The following NUBPL variants were observed in gnomAD, a reference collection of about 807,000 sequenced individuals.
The protein encoded by NUBPL is NUBP iron-sulfur cluster assembly factor, mitochondrial, also known as iron-sulfur cluster transfer protein NUBPL.
In NUBPL, 31 loss-of-function variants were observed where a neutral mutation model predicts 45.7. The observed-to-expected ratio is 0.68, with a 90% confidence interval of 0.51 to 0.92. The LOEUF is 0.92. Ranked by LOEUF, NUBPL falls within the 40% of genes least tolerant of loss-of-function variation. The probability of loss-of-function intolerance (pLI) is 0.00; values close to 1 mark genes in which losing one functional copy is unlikely to be tolerated. For missense variants in NUBPL, 401 were observed against 398.7 expected, an observed-to-expected ratio of 1.01 and a Z score of -0.05; for synonymous variants, 144 against 140.9, an observed-to-expected ratio of 1.02 and a Z score of -0.15.
chr14:31,707,930 G>C (rs1215136768), intron 6 of NUBPL, among the ~76,000 whole-genome samples: 1 of 152,116 alleles, frequency 6.6e-6, no homozygotes, highest in Non-Finnish European at 1.5e-5. Context: ...TAAACCCTTG[G>C]GGCAAGACTG....
chr14:31,718,802 A>G (rs370833262), intron 6 of NUBPL, among the ~76,000 whole-genome samples: 1 of 152,174 alleles, frequency 6.6e-6, no homozygotes, highest in Non-Finnish European at 1.5e-5. Flanking sequence ...TATAAAAAAG[A>G]TTAGTGTTTG....
chr14:31,630,510 A>G lies in NUBPL; in HGVS notation c.382+31131A>G, dbSNP rs866622441. The stretch of plus-strand genomic sequence containing the variant: ...TCTTGTTGACATTTATAGATCATGA[A>G]TATCTTGACACACTCTGCCTAGTTC... On this transcript the variant is annotated intron_variant, in intron 4 of 10. Coordinates refer to ENST00000281081, the MANE Select transcript of NUBPL (RefSeq NM_025152.3). Among the ~76,000 whole-genome samples the G allele has an allele frequency of 3.9e-5, 6 of 152,282 alleles. 1 individual carries two copies. In the South Asian group the frequency reaches 1.2e-3, roughly 32 times the overall value.
intron 4 of NUBPL, among the ~76,000 whole-genome samples, chr14:31,613,456 A>AT (rs763346720): frequency 0.018 from 2,564 of 145,780 alleles, 14 homozygotes; most frequent in Non-Finnish European, 0.026. Flanking sequence ...GTGTAATTGG[A>AT]TTTTTTTTTT....
intron 6 of NUBPL, among the ~76,000 whole-genome samples, chr14:31,711,145 T>C (rs1444552135): frequency 6.6e-6 from 1 of 152,174 alleles, no homozygotes; most frequent in East Asian, 1.9e-4. Flanking sequence ...GTTCCGCTCA[T>C]GGCCACAGGG....
chr14:31,773,379 G>A (rs1427479056), intron 6 of NUBPL, among the ~76,000 whole-genome samples: 1 of 152,200 alleles, frequency 6.6e-6, no homozygotes, highest in Non-Finnish European at 1.5e-5. Flanking sequence ...TCATTTGGCA[G>A]ATATTGAATG....
At chr14:31,581,004 G>T (rs950520987) in intron 3 of NUBPL, among the ~76,000 whole-genome samples, 1 of 152,142 alleles carries the variant, frequency 6.6e-6, no homozygotes, top group Non-Finnish European at 1.5e-5. Context: ...CTGTAATGTA[G>T]AGAATAGAGT....
At chr14:31,595,768 C>T (rs2034266250) in intron 3 of NUBPL, among the ~76,000 whole-genome samples, 1 of 152,172 alleles carries the variant, frequency 6.6e-6, no homozygotes, top group Non-Finnish European at 1.5e-5. Flanking sequence ...TTGAACATTA[C>T]TGAATTCTAG....
intron 6 of NUBPL, among the ~76,000 whole-genome samples, chr14:31,775,891 G>A (rs961057123): frequency 2.0e-5 from 3 of 152,114 alleles, no homozygotes; most frequent in Non-Finnish European, 4.4e-5. Flanking sequence ...ATCTGCATAG[G>A]ATCCTGGGAT....
intron 4 of NUBPL, among the ~76,000 whole-genome samples, chr14:31,645,492 T>C (rs987338510): frequency 1.3e-5 from 2 of 152,186 alleles, no homozygotes; most frequent in African/African-American, 4.8e-5. Context: ...AGTAAAGACT[T>C]TACTACTGCC....
At chr14:31,841,917 CTTTTTTTTTTT>C (rs547795007) in intron 8 of NUBPL, among the ~76,000 whole-genome samples, 7 of 43,036 alleles carry the variant, frequency 1.6e-4, no homozygotes, top group Admixed American at 9.6e-4. Flanking sequence ...CGATTCTGGG[CTTTTTTTTTTT>C]TTTTTTTTTT....
chr14:31,778,613 A>T (rs991409983), intron 6 of NUBPL, among the ~76,000 whole-genome samples: 1 of 152,242 alleles, frequency 6.6e-6, no homozygotes, highest in African/African-American at 2.4e-5. Context: ...TCCCAGGTTG[A>T]TATAATTTTT....
At chr14:31,793,215 G>T (rs1171403122) in intron 7 of NUBPL, among the ~76,000 whole-genome samples, 1 of 151,724 alleles carries the variant, frequency 6.6e-6, no homozygotes, top group African/African-American at 2.4e-5. Flanking sequence ...GATCCCTCTA[G>T]AAAAAAACCC....
At chr14:31,572,129 C>A (rs548029648) in intron 3 of NUBPL, among the ~76,000 whole-genome samples, 1 of 151,834 alleles carries the variant, frequency 6.6e-6, no homozygotes, top group Non-Finnish European at 1.5e-5. Flanking sequence ...CCTATTTTAG[C>A]TAGATTCTTT....
At chr14:31,561,987 C>T in intron 1 of NUBPL, 81 bp from the exon 2 acceptor site, 2 of 1,414,454 alleles carry the variant, frequency 1.4e-6, no homozygotes, top group Admixed American at 2.0e-5. Context: ...AATTGCAAAC[C>T]CCAGATTGTT....
intron 7 of NUBPL, among the ~76,000 whole-genome samples, chr14:31,819,342 AT>A (rs1218248398): frequency 1.3e-5 from 2 of 152,194 alleles, no homozygotes; most frequent in Non-Finnish European, 2.9e-5. Context: ...AAAACAGTTA[AT>A]TTTTTAAGTC....
chr14:31,810,818 G>A (rs1351406343), intron 7 of NUBPL, among the ~76,000 whole-genome samples: 2 of 152,164 alleles, frequency 1.3e-5, no homozygotes, highest in East Asian at 1.9e-4. Flanking sequence ...GCCTGTTGGT[G>A]ACAAAATCTC....
At chr14:31,770,692 A>G (rs1353842308) in intron 6 of NUBPL, among the ~76,000 whole-genome samples, 2 of 152,174 alleles carry the variant, frequency 1.3e-5, no homozygotes, top group Non-Finnish European at 2.9e-5. Context: ...GAAGGCTTAT[A>G]TCATCTTTAC....
chr14:31,578,166 AG>A, intron 3 of NUBPL: 1 of 451,486 alleles, frequency 2.2e-6, no homozygotes, highest in Non-Finnish European at 4.4e-6. Flanking sequence ...GTTTTAGGTA[AG>A]GGAGTTTATA....
chr14:31,595,084 T>C (rs920841242), intron 3 of NUBPL, among the ~76,000 whole-genome samples: 17 of 152,244 alleles, frequency 1.1e-4, no homozygotes, highest in African/African-American at 4.1e-4. Context: ...GTATCAAAAC[T>C]GTGGTTCGTG....
Sources: gnomAD v4.1 joint callset for allele counts (sites outside exome capture counted in the v4.1 genomes callset) on GRCh38, gnomAD v4.1.1 for gene constraint, MANE v1.5 for transcripts, NCBI Gene and HGNC (gene_info 2026-07-23, HGNC 2026-07-21) for gene names.